RANBP17: variants seen among roughly 807,000 people sequenced by gnomAD.
RANBP17 encodes RAN binding protein 17, also known as ran-binding protein 17.
Under a neutral mutation model 141.2 loss-of-function variants are expected in RANBP17, and 158 were observed. That is an observed-to-expected ratio of 1.12 (90% CI 0.98 to 1.28). The LOEUF (loss-of-function observed/expected upper bound fraction) is 1.28. RANBP17 is among the 50% of genes most tolerant of loss of function. The pLI is 0.00. For missense variants in RANBP17, 1,438 were observed against 1,290.7 expected (o/e 1.11, Z -1.75); for synonymous variants, 430 against 450.0 (o/e 0.96, Z 0.56).
chr5:171,080,007 A>G (rs1172141906), intron 14 of RANBP17, among the ~76,000 whole-genome samples: 2 of 152,120 alleles, frequency 1.3e-5, no homozygotes, highest in African/African-American at 2.4e-5. Context: ...GTCAAAAGAA[A>G]CACTGAGAGA....
intron 22 of RANBP17, among the ~76,000 whole-genome samples, chr5:171,238,925 C>G (rs965219827): frequency 6.6e-6 from 1 of 152,182 alleles, no homozygotes; most frequent in Non-Finnish European, 1.5e-5. Context: ...ACATACCTCT[C>G]TGATGGCATT....
At chr5:171,078,871 A>G (rs1050225426) in intron 14 of RANBP17, among the ~76,000 whole-genome samples, 19 of 152,230 alleles carry the variant, frequency 1.2e-4, no homozygotes, top group African/African-American at 3.9e-4. Context: ...TGTTGTTTTC[A>G]TGTCTGCTAA....
At chr5:171,274,149 T>TGC (rs1554127520) in intron 25 of RANBP17, among the ~76,000 whole-genome samples, 18,628 of 126,408 alleles carry the variant, frequency 0.15, 1,408 homozygotes, top group Non-Finnish European at 0.19. Context: ...TGTGTGTGTG[T>TGC]GCGCGCGCGC....
chr5:170,867,900 ATC>A (rs1767397406), intron 1 of RANBP17, among the ~76,000 whole-genome samples: 1 of 151,962 alleles, frequency 6.6e-6, no homozygotes, highest in African/African-American at 2.4e-5. Flanking sequence ...CCCCTTTGTA[ATC>A]TCTGTTTTTC....
chr5:171,081,595 G>C (rs1312691273), intron 14 of RANBP17, among the ~76,000 whole-genome samples: 1 of 152,050 alleles, frequency 6.6e-6, no homozygotes, highest in Non-Finnish European at 1.5e-5. Flanking sequence ...TGAGAAAGCA[G>C]CTTATTTATT....
At chr5:171,089,522 G>T (rs1177390948) in intron 14 of RANBP17, among the ~76,000 whole-genome samples, 64 of 152,112 alleles carry the variant, frequency 4.2e-4, no homozygotes, top group East Asian at 3.5e-3. Flanking sequence ...GTTTACCTAA[G>T]CAAGCCTGGG....
chr5:171,275,272 A>G (rs1767415106), intron 25 of RANBP17, among the ~76,000 whole-genome samples: 1 of 152,214 alleles, frequency 6.6e-6, no homozygotes, highest in African/African-American at 2.4e-5. Context: ...AAACCATTTA[A>G]ATATGTTACC....
At chr5:171,044,520 A>G (rs1008732059) in intron 14 of RANBP17, among the ~76,000 whole-genome samples, 12 of 152,016 alleles carry the variant, frequency 7.9e-5, no homozygotes, top group African/African-American at 2.7e-4. Context: ...ATCTTTGACT[A>G]TAATATTCAA....
intron 5 of RANBP17, among the ~76,000 whole-genome samples, chr5:170,907,548 C>T (rs1771163805): frequency 6.6e-6 from 1 of 151,864 alleles, no homozygotes; most frequent in South Asian, 2.1e-4. Context: ...AGAAAGTGCT[C>T]AGTACACCTA....
intron 25 of RANBP17, among the ~76,000 whole-genome samples, chr5:171,273,327 G>C (rs1197680300): frequency 6.6e-6 from 1 of 151,476 alleles, no homozygotes; most frequent in African/African-American, 2.4e-5. Context: ...CTTAAGGTCT[G>C]AATCTACACC....
At chr5:171,155,878 T>G (rs1758860695) in intron 14 of RANBP17, among the ~76,000 whole-genome samples, 1 of 152,130 alleles carries the variant, frequency 6.6e-6, no homozygotes, top group South Asian at 2.1e-4. Flanking sequence ...TGGAGGAAAT[T>G]AATAATAAAA....
chr5:171,239,828 C>A (rs1264647411), intron 22 of RANBP17, among the ~76,000 whole-genome samples: 2 of 152,148 alleles, frequency 1.3e-5, no homozygotes, highest in Non-Finnish European at 1.5e-5. Context: ...ACAAACAGGA[C>A]AAGGAAGAAC....
chr5:171,178,020 G>T lies in RANBP17; in HGVS notation c.1866-5147G>T, dbSNP rs868094396. Among the ~76,000 whole-genome samples, 1,196 of 141,698 alleles carry T rather than the reference G, an allele frequency of 8.4e-3. 15 individuals carry two copies. The highest frequency in any genetic ancestry group is 0.024 in the African/African-American group (942 of 39,218). The allele number at this position is 141,698 out of a possible 152,430, so 93.0% of individuals were successfully genotyped here. On this transcript the variant is annotated intron_variant, in intron 16 of 27. Transcript: ENST00000523189. Reference sequence around the variant, plus strand: ...TATACCTATTTGGATTTTTTATGTGGTTTTTTTTTTTTTGTTATACTTTAA... The same window carrying T: ...TATACCTATTTGGATTTTTTATGTGTTTTTTTTTTTTTTGTTATACTTTAA...
chr5:170,893,159 CAA>C lies in RANBP17; in HGVS notation c.423+607_423+608del, dbSNP rs147430175. On this transcript the variant is annotated intron_variant, in intron 4 of 27. Transcript: ENST00000523189. ...CAATAAAGAATAGTTATTTTAAAAA[CAA>C]TATTTTTAACCTAAGTGATTAAAAT... Among the ~76,000 whole-genome samples, 799 of 150,076 alleles carry C rather than the reference CAA, an allele frequency of 5.3e-3. 3 individuals carry two copies. Among genetic ancestry groups the C allele is most frequent in the Non-Finnish European group, 7.7e-3 (523 of 67,624 alleles).
At chr5:171,277,777 A>T (rs1767613101) in intron 25 of RANBP17, among the ~76,000 whole-genome samples, 1 of 149,022 alleles carries the variant, frequency 6.7e-6, no homozygotes, top group African/African-American at 2.5e-5. Context: ...CATACAGCTA[A>T]TAAGTAGCAG....
chr5:171,172,675 TCA>T (rs1554110030), intron 16 of RANBP17, among the ~76,000 whole-genome samples: 1 of 151,888 alleles, frequency 6.6e-6, no homozygotes, highest in Non-Finnish European at 1.5e-5. Flanking sequence ...CAAAGAAGCC[TCA>T]GTTATTTTAT....
At chr5:171,119,446 A>T (rs191585104) in intron 14 of RANBP17, among the ~76,000 whole-genome samples, 1 of 152,202 alleles carries the variant, frequency 6.6e-6, no homozygotes, top group African/African-American at 2.4e-5. Flanking sequence ...CTTGGTATTC[A>T]TTCTTCCTTA....
At chr5:171,202,681 ACC>A (rs1762361397) in intron 19 of RANBP17, among the ~76,000 whole-genome samples, 1 of 152,116 alleles carries the variant, frequency 6.6e-6, no homozygotes, top group Non-Finnish European at 1.5e-5. Flanking sequence ...CAGTTGAAAC[ACC>A]TTGGGGCCTG....
chr5:171,062,704 C>T (rs1783980228), intron 14 of RANBP17, among the ~76,000 whole-genome samples: 1 of 152,152 alleles, frequency 6.6e-6, no homozygotes, highest in African/African-American at 2.4e-5. Flanking sequence ...TGAATGTTGG[C>T]CTGCCTTTCT....
Sources: gnomAD v4.1 joint callset for allele counts (sites outside exome capture counted in the v4.1 genomes callset) on GRCh38, gnomAD v4.1.1 for gene constraint, MANE v1.5 for transcripts, NCBI Gene and HGNC (gene_info 2026-07-23, HGNC 2026-07-21) for gene names.